Variants in LNPEP observed in about 807,000 individuals in gnomAD.
LNPEP encodes the protein leucyl and cystinyl aminopeptidase, also known as leucyl-cystinyl aminopeptidase.
LNPEP carries 64 observed loss-of-function variants against 120.6 expected under a neutral mutation model. That is an observed-to-expected ratio of 0.53 (90% CI 0.43 to 0.65). LNPEP has a LOEUF of 0.65. Ranked by LOEUF, LNPEP falls within the 30% of genes least tolerant of loss-of-function variation. LNPEP has a pLI of 0.00. For missense variants in LNPEP, 1,057 were observed against 1,200.0 expected (o/e 0.88, Z 1.76); for synonymous variants, 435 against 425.4 (o/e 1.02, Z -0.28).
chr5:97,017,022 T>G (rs1791084346), intron 13 of LNPEP, among the ~76,000 whole-genome samples: 1 of 152,194 alleles, frequency 6.6e-6, no homozygotes, highest in African/African-American at 2.4e-5. Flanking sequence ...ATGGGATTAT[T>G]GAGTCATAAC....
At chr5:97,011,179 G>A in intron 11 of LNPEP, 5 of 985,354 alleles carry the variant, frequency 5.1e-6, no homozygotes, top group Non-Finnish European at 6.0e-6. Context: ...ATGGGCAAGG[G>A]AGACTTGGGT....
At chr5:96,982,748 G>A (rs1259654149) in intron 2 of LNPEP, among the ~76,000 whole-genome samples, 1 of 152,072 alleles carries the variant, frequency 6.6e-6, no homozygotes, top group Non-Finnish European at 1.5e-5. Flanking sequence ...TACCCAATTC[G>A]ATAGCAACAG....
At chr5:97,019,096 A>G (rs1401465791) in intron 13 of LNPEP, among the ~76,000 whole-genome samples, 1 of 152,212 alleles carries the variant, frequency 6.6e-6, no homozygotes, top group Non-Finnish European at 1.5e-5. Flanking sequence ...GTAAATCAAA[A>G]TGTAATATAC....
At chr5:96,992,717 T>A (rs1035287394) in intron 4 of LNPEP, among the ~76,000 whole-genome samples, 5 of 149,258 alleles carry the variant, frequency 3.3e-5, no homozygotes, top group African/African-American at 1.2e-4. Context: ...AGGCAAATAC[T>A]TATAAGTTGC....
rs976087739 is a variant in LNPEP, at chr5:97,033,981, T to C, written c.*5448T>C. 6 of 152,226 alleles carry C rather than the reference T, an allele frequency of 3.9e-5. No homozygotes were observed. The South Asian group carries it at 6.2e-4, about 16-fold the overall frequency. The allele number at this position is 152,226 out of a possible 1,614,324, so 9.4% of individuals were successfully genotyped here. A position where few individuals can be genotyped will look rare whatever the true frequency, so the allele number is the denominator to read the frequency against. The stretch of plus-strand genomic sequence containing the variant: ...GAGGGGTCTAAGGCAGAATATATCC[T>C]TTTTAAAAATGTATATATACTTTTC... On this transcript the variant is annotated 3_prime_UTR_variant, in exon 18 of 18. Transcript: ENST00000231368.
intron 2 of LNPEP, among the ~76,000 whole-genome samples, chr5:96,981,706 G>A (rs530424154): frequency 1.6e-4 from 25 of 152,266 alleles, no homozygotes; most frequent in Non-Finnish European, 2.9e-4. Context: ...GACACCTTGC[G>A]TAGACACTGC....
chr5:96,944,842 A>C (rs933651247), intron 1 of LNPEP, among the ~76,000 whole-genome samples: 2 of 151,940 alleles, frequency 1.3e-5, no homozygotes, highest in African/African-American at 4.8e-5. Flanking sequence ...AAGTGCTGGG[A>C]TTACAGGCAT....
At chr5:96,958,263 T>C (rs1382352097) in intron 1 of LNPEP, among the ~76,000 whole-genome samples, 3 of 152,238 alleles carry the variant, frequency 2.0e-5, no homozygotes, top group Non-Finnish European at 4.4e-5. Context: ...TCAATTTTTT[T>C]CCCCAGTCTT....
chr5:96,941,396 C>T (rs1303128716), intron 1 of LNPEP, among the ~76,000 whole-genome samples: 2 of 152,194 alleles, frequency 1.3e-5, no homozygotes, highest in Admixed American at 1.3e-4. Flanking sequence ...CTGTAGGGGG[C>T]TGGAGTTGAG....
chr5:96,966,513 TG>T (rs1427874861), intron 1 of LNPEP, among the ~76,000 whole-genome samples: 1 of 118,628 alleles, frequency 8.4e-6, no homozygotes, highest in African/African-American at 3.2e-5. Flanking sequence ...TATATTTGTG[TG>T]TGTGTGTGTG....
chr5:96,963,576 A>G (rs1789656789), intron 1 of LNPEP, among the ~76,000 whole-genome samples: 2 of 152,172 alleles, frequency 1.3e-5, no homozygotes, highest in South Asian at 2.1e-4. Context: ...GTAGTAAAAG[A>G]TAAATGTTGA....
intron 1 of LNPEP, among the ~76,000 whole-genome samples, chr5:96,978,799 G>A (rs1216286462): frequency 3.3e-5 from 5 of 152,166 alleles, no homozygotes; most frequent in African/African-American, 1.2e-4. Flanking sequence ...CCAAAACAGT[G>A]CCCTCTCAAG....
chr5:96,949,492 C>T lies in LNPEP; in HGVS notation c.19+13318C>T, dbSNP rs78261909. On this transcript the variant is annotated intron_variant, in intron 1 of 17. Coordinates refer to ENST00000231368, the MANE Select transcript of LNPEP (RefSeq NM_005575.3). Reference sequence around the variant, plus strand: ...TTCATGCTCTTGCCTCTGTCACTTCCGCCACACCCCTGTCTGTGGAAAAAT... The same window carrying T: ...TTCATGCTCTTGCCTCTGTCACTTCTGCCACACCCCTGTCTGTGGAAAAAT... Among the ~76,000 whole-genome samples the T allele has an allele frequency of 9.3e-3, 1,409 of 152,320 alleles. 31 individuals carry two copies. Among genetic ancestry groups the T allele is most frequent in the East Asian group, 0.067 (348 of 5,184 alleles).
intron 1 of LNPEP, among the ~76,000 whole-genome samples, chr5:96,964,966 A>G (rs940102593): frequency 6.6e-6 from 1 of 152,146 alleles, no homozygotes. Flanking sequence ...CATAATAGTT[A>G]TACATATTTT....
chr5:97,007,358 T>C lies in LNPEP; in HGVS notation c.2035+843T>C, dbSNP rs143794312. 5.8e-3 allele frequency among the ~76,000 whole-genome samples: 880 copies of C among 152,292 alleles called. 3 individuals carry two copies. The highest frequency in any genetic ancestry group is 7.8e-3 in the Non-Finnish European group (529 of 68,026). On this transcript the variant is annotated intron_variant, in intron 11 of 17. Transcript: ENST00000231368. ...GTACCATTGATCACTTATATGATTT[T>C]AGGCGAGTTATGTGAGCCTCATTCC...
intron 1 of LNPEP, among the ~76,000 whole-genome samples, chr5:96,958,248 G>C (rs934082489): frequency 3.3e-5 from 5 of 152,182 alleles, no homozygotes; most frequent in African/African-American, 1.2e-4. Flanking sequence ...AATTTGTCTA[G>C]ACTTTCAATT....
rs191168730 is a variant in LNPEP, at chr5:96,938,460, A to T, written c.19+2286A>T. 1.7e-3 allele frequency among the ~76,000 whole-genome samples: 262 copies of T among 152,374 alleles called. 2 individuals are homozygous for T. The highest frequency in any genetic ancestry group is 0.017 in the South Asian group (83 of 4,830). ...ATTTAGGACCACATATCTTTTAGTT[A>T]AAATCTTGTCAGTGGTTCCATCTAC... On this transcript the variant is annotated intron_variant, in intron 1 of 17. Transcript: ENST00000231368.
At chr5:96,958,201 T>C (rs1789514306) in intron 1 of LNPEP, among the ~76,000 whole-genome samples, 2 of 152,206 alleles carry the variant, frequency 1.3e-5, no homozygotes, top group Admixed American at 1.3e-4. Flanking sequence ...TAAAGTGAAA[T>C]GAAAATGTGG....
At chr5:96,955,436 G>A (rs1387859081) in intron 1 of LNPEP, among the ~76,000 whole-genome samples, 1 of 152,090 alleles carries the variant, frequency 6.6e-6, no homozygotes, top group Non-Finnish European at 1.5e-5. Context: ...CCAACAAGGC[G>A]ATAGCCCATC....
Sources: allele counts gnomAD v4.1 joint callset (sites outside exome capture counted in the v4.1 genomes callset), GRCh38; gene constraint gnomAD v4.1.1; transcripts MANE v1.5; gene names NCBI Gene and HGNC (gene_info 2026-07-23, HGNC 2026-07-21).